Variants in CCDC197 observed in about 807,000 individuals in gnomAD.
CCDC197 encodes the protein uncharacterized protein CCDC197.
In CCDC197, 24 loss-of-function variants were observed where a neutral mutation model predicts 13.4. The observed-to-expected ratio is 1.80, with a 90% CI of 1.30 to 2.53. The LOEUF is 2.53. Among genes scored for constraint, CCDC197 ranks in the 30% most tolerant of loss-of-function variants. CCDC197 has a pLI of 0.00. For synonymous variants in CCDC197, 99 were observed against 55.5 expected (o/e 1.78, Z -3.48); for missense variants, 255 against 148.8 (o/e 1.71, Z -3.71).
rs759946881 is a variant in CCDC197 at position 94,003,202 on chromosome 14, G to GGCCC, written c.367-20_367-17dup. The GGCCC allele has an allele frequency of 1.3e-6, 1 of 777,810 alleles. No homozygotes were observed. The highest frequency in any genetic ancestry group is 2.4e-6 in the Non-Finnish European group (1 of 416,850). The allele number at this position is 777,810 out of a possible 1,614,324, so 48.2% of individuals were successfully genotyped here. ...CCTGGAGGGTTTGTTGTACCAAGAT[G>GGCCC]GCCCATTCCCTCTGCCCCAGAGCCT... On this transcript the variant is annotated intron_variant, in intron 4 of 6. Coordinates refer to ENST00000636493, the MANE Select transcript of CCDC197 (RefSeq NM_001351596.2). The surrounding 1 kb of genome is among the most constrained non-coding windows in gnomAD (Gnocchi z 5.0).
At chr14:93,991,597 C>T (rs1161398677) in intron 1 of CCDC197, among the ~76,000 whole-genome samples, 1 of 152,212 alleles carries the variant, frequency 6.6e-6, no homozygotes, top group Non-Finnish European at 1.5e-5. Context: ...AGGGACAATT[C>T]GGTCCCAGTC....
rs752437231 is a variant in CCDC197 at position 94,003,435 on chromosome 14, A to G, written c.498+81A>G. The stretch of plus-strand genomic sequence containing the variant: ...ATGTCTCCATCATCAATCCCAAAAC[A>G]CACAGACACATACGCACGCAGACAC... On this transcript the variant is annotated intron_variant, in intron 5 of 6. Coordinates refer to ENST00000636493, the MANE Select transcript of CCDC197 (RefSeq NM_001351596.2). The surrounding 1 kb of genome is among the most constrained non-coding windows in gnomAD (Gnocchi z 5.0). The G allele has an allele frequency of 1.4e-5, 9 of 661,618 alleles. No homozygotes were observed. The highest frequency in any genetic ancestry group is 5.5e-5 in the East Asian group (2 of 36,058). 41.0% of individuals were successfully genotyped at this position (661,618 alleles called of 1,614,324 possible).
chr14:94,001,533 T>C, intron 4 of CCDC197: 1 of 487,774 alleles, frequency 2.1e-6, no homozygotes, highest in Non-Finnish European at 3.6e-6. Context: ...CCTAACGTTG[T>C]TCTGCGTGGT....
chr14:94,008,968 C>A (rs796742801), downstream of CCDC197: 17 of 565,550 alleles, frequency 3.0e-5, no homozygotes, highest in African/African-American at 3.0e-4. Flanking sequence ...GGGGGTGCTG[C>A]TCCCCATCCT....
rs142798797 is a variant in CCDC197 at position 93,989,957 on chromosome 14, T to A, written c.-107+2561T>A. 4.2e-3 allele frequency among the ~76,000 whole-genome samples: 638 copies of A among 152,308 alleles called. 9 individuals carry two copies. The highest frequency in any genetic ancestry group is 0.019 in the South Asian group (90 of 4,822). On this transcript the variant is annotated intron_variant, in intron 1 of 7. Transcript: ENST00000640978. ...ACTGCTGGTCGGGCCTGTTCTTAGC[T>A]CCTAGTGGCTTCTCTGGTCTTTGCC...
upstream of CCDC197, among the ~76,000 whole-genome samples, chr14:93,996,489 AGACCT>A (rs1257438824): frequency 1.3e-5 from 2 of 150,910 alleles, no homozygotes; most frequent in African/African-American, 5.0e-5. Flanking sequence ...CTCCAGCCAC[AGACCT>A]GAACCCCCAG....
intron 1 of CCDC197, among the ~76,000 whole-genome samples, chr14:93,989,101 T>C (rs775495651): frequency 1.5e-4 from 23 of 151,314 alleles, no homozygotes; most frequent in Non-Finnish European, 3.2e-4. Flanking sequence ...GGCAGGGGAG[T>C]CTCAATGAAC....
chr14:94,003,099 C>T lies in CCDC197; in HGVS notation c.367-124C>T. 1.6e-6 allele frequency: 1 copy of T among 615,122 alleles called. No individual in the cohort carries two copies. Among genetic ancestry groups the T allele is most frequent in the Non-Finnish European group, 2.9e-6 (1 of 341,676 alleles). The allele number at this position is 615,122 out of a possible 1,614,324, so 38.1% of individuals were successfully genotyped here. The stretch of plus-strand genomic sequence containing the variant: ...TGCATCTCTGGTGCCTTGAATGGCC[C>T]CAGCCACCCACAAGTATTCCTTCCT... On this transcript the variant is annotated intron_variant, in intron 4 of 6. Coordinates refer to ENST00000636493, the MANE Select transcript of CCDC197 (RefSeq NM_001351596.2). The surrounding 1 kb of genome is among the most constrained non-coding windows in gnomAD (Gnocchi z 5.0).
intron 1 of CCDC197, among the ~76,000 whole-genome samples, chr14:93,988,964 C>T (rs571137707): frequency 5.9e-5 from 9 of 151,942 alleles, no homozygotes; most frequent in African/African-American, 2.2e-4. Context: ...GAGACAGCAA[C>T]AGCAGAGCCT....
Position 94,003,307 on chromosome 14 carries a change from T to A in CCDC197, c.451T>A (p.Tyr151Asn), listed in dbSNP as rs757651636. The A allele has an allele frequency of 1.4e-6, 1 of 724,722 alleles. No individual in the cohort carries two copies. The highest frequency in any genetic ancestry group is 2.6e-6 in the Non-Finnish European group (1 of 383,336). 44.9% of individuals were successfully genotyped at this position (724,722 alleles called of 1,614,324 possible). ...GTGGCAGCTGAAGCACAGCATCACTTACCAGAAGGACATTGACTTTGACAC... is the reference window on the plus strand; with the variant it reads ...GTGGCAGCTGAAGCACAGCATCACTAACCAGAAGGACATTGACTTTGACAC... ...QWWQLKHSIT[Y>N]QKDIDFDTHT... The change falls in exon 5 of 7, where the codon TAC becomes AAC. Residue 151 changes from tyrosine (Y) to asparagine (N), a missense_variant. Tyr to Asn is a moderately radical substitution (Grantham distance 143). Coordinates refer to ENST00000636493, the MANE Select transcript of CCDC197 (RefSeq NM_001351596.2). The surrounding 1 kb of genome is among the most constrained non-coding windows in gnomAD (Gnocchi z 5.0).
intron 6 of CCDC197, among the ~76,000 whole-genome samples, 180 bp from the exon 7 acceptor site, chr14:94,008,429 C>T (rs996545926): frequency 1.3e-5 from 2 of 152,218 alleles, no homozygotes; most frequent in Admixed American, 6.5e-5. Context: ...AGACAAGTCA[C>T]CTAACCTCTC....
At position 94,003,786 on chromosome 14, in the gene CCDC197, C is replaced by T. The variant is rs750655456; in HGVS notation, c.498+432C>T. ...TCAAAGGGCCTCTCTTTGAGGGGTC[C>T]GATGTTACTTCACAGATGGGAAAAC... On this transcript the variant is annotated intron_variant, in intron 5 of 6. Transcript: ENST00000636493. This position sits in a 1 kb window ranked among gnomAD's most constrained non-coding sequence, Gnocchi z 5.0. Among the ~76,000 whole-genome samples, 3 of 152,116 alleles carry T rather than the reference C, an allele frequency of 2.0e-5. No homozygotes were observed. The highest frequency in any genetic ancestry group is 2.9e-5 in the Non-Finnish European group (2 of 68,028).
downstream of CCDC197, among the ~76,000 whole-genome samples, chr14:94,009,515 G>T (rs988516428): frequency 2.0e-5 from 3 of 152,130 alleles, no homozygotes; most frequent in Admixed American, 2.0e-4. Flanking sequence ...GATCACTTGA[G>T]CCCAGGAGTT....
At position 94,003,456 on chromosome 14, in the gene CCDC197, G is replaced by C. The variant is rs1023323917; in HGVS notation, c.498+102G>C. 256 of 627,402 alleles carry C rather than the reference G, an allele frequency of 4.1e-4. 2 individuals are homozygous for C. The highest frequency in any genetic ancestry group is 3.4e-3 in the South Asian group (189 of 55,216). The allele number at this position is 627,402 out of a possible 1,614,324, so 38.9% of individuals were successfully genotyped here. ...AAACACACAGACACATACGCACGCA[G>C]ACACACACACACAGAGCCAGACACA... On this transcript the variant is annotated intron_variant, in intron 5 of 6. Transcript: ENST00000636493. The surrounding 1 kb of genome is among the most constrained non-coding windows in gnomAD (Gnocchi z 5.0).
rs1200166037 is a variant in CCDC197 at position 94,004,925 on chromosome 14, G to T, written c.569G>T (p.Gly190Val). 1.0e-5 allele frequency: 7 copies of T among 702,814 alleles called. No homozygotes were observed. In the African/African-American group the frequency reaches 1.0e-4, roughly 11 times the overall value. 43.5% of individuals were successfully genotyped at this position (702,814 alleles called of 1,614,324 possible). Residue 190 changes from glycine to valine, a missense_variant, in exon 6 of 7, where the codon GGC becomes GTC. Transcript: ENST00000636493. ...MARQCCPSAH[G>V]VPKSMDLFSK... Reference sequence around the variant, plus strand: ...CGGCAGTGCTGCCCCTCTGCCCACGGCGTGCCCAAGAGCATGGATCTCTTC... The same window carrying T: ...CGGCAGTGCTGCCCCTCTGCCCACGTCGTGCCCAAGAGCATGGATCTCTTC...
At chr14:93,994,558 C>T (rs1890252776), upstream of CCDC197, among the ~76,000 whole-genome samples, 1 of 152,220 alleles carries the variant, frequency 6.6e-6, no homozygotes, top group Non-Finnish European at 1.5e-5. Context: ...CAAGGAGCTG[C>T]AGCCTCTCCC....
At chr14:94,000,881 G>A (rs1890473797) in intron 3 of CCDC197, 2 of 369,726 alleles carry the variant, frequency 5.4e-6, no homozygotes, top group Non-Finnish European at 9.6e-6. Flanking sequence ...GCCTCGCTCG[G>A]TGGTCTTGAT....
At chr14:93,990,821 T>TATTTTGTCACTATTTGCTCAAA (rs990185704) in intron 1 of CCDC197, among the ~76,000 whole-genome samples, 7 of 152,294 alleles carry the variant, frequency 4.6e-5, no homozygotes, top group South Asian at 2.1e-4. Context: ...ATAGTGACAA[T>TATTTTGTCACTATTTGCTCAAA]AGTGATGTCT....
At chr14:93,988,681 AG>A (rs1180336305) in intron 1 of CCDC197, among the ~76,000 whole-genome samples, 2 of 41,838 alleles carry the variant, frequency 4.8e-5, no homozygotes, top group African/African-American at 2.2e-4. Context: ...AGGGGATAGG[AG>A]GAGGGGTTGG....
Sources: gnomAD v4.1 joint callset for allele counts (sites outside exome capture counted in the v4.1 genomes callset) on GRCh38, gnomAD v4.1.1 for gene constraint, Gnocchi (gnomAD v3.1) non-coding constraint, MANE v1.5 for transcripts, NCBI Gene and HGNC (gene_info 2026-07-23, HGNC 2026-07-21) for gene names.